EMP3: variants seen among roughly 807,000 people sequenced by gnomAD.
EMP3 encodes epithelial membrane protein 3.
Under a neutral mutation model 21.6 loss-of-function variants are expected in EMP3, and 15 were observed. The observed-to-expected ratio is 0.69, with a 90% CI of 0.46 to 1.07. The LOEUF (loss-of-function observed/expected upper bound fraction) is 1.07, where lower values mean the gene tolerates loss of function less well. Among genes scored for constraint, EMP3 ranks in the 50% least tolerant of loss-of-function variants. The pLI is 0.00. For synonymous variants in EMP3, 107 were observed against 86.1 expected (o/e 1.24, Z -1.34); for missense variants, 183 against 206.6 (o/e 0.89, Z 0.70).
chr19:48,327,339 T>A (rs1036493763), intron 2 of EMP3, among the ~76,000 whole-genome samples, 182 bp from the exon 3 acceptor site: 9 of 152,052 alleles, frequency 5.9e-5, no homozygotes, highest in Non-Finnish European at 1.3e-4. Context: ...CCCTTTTAGC[T>A]CTACCTCCGA....
At position 48,327,507 on chromosome 19, in the gene EMP3, T is replaced by C. The variant is rs535061522; in HGVS notation, c.79-14T>C. 7.4e-5 allele frequency: 118 copies of C among 1,603,294 alleles called. 1 individual carries two copies. The South Asian group carries it at 1.3e-3, about 18-fold the overall frequency. ...CCTAACCCTGCCCCTTGTTTCGTTC[T>C]CTGTCCATCCCAGTCCTGGTGGACT... On this transcript the variant is annotated splice_polypyrimidine_tract_variant and intron_variant, in intron 2 of 4. Transcript: ENST00000270221.
In EMP3 at chr19:48,327,547, G is replaced by A. The variant is rs1969142225; in HGVS notation, c.105G>A (p.Glu35=). Residue 35 remains glutamate (E), a synonymous_variant, in exon 3 of 5, where the codon GAG becomes GAA. Transcript: ENST00000270221. ...CCTGGTGGACTCTCCCTGGGAAAGA[G>A]TCCCTGAATCTCTGGTACGACTGCA... ...DKSWWTLPGK[E]SLNLWYDCTW... The A allele has an allele frequency of 5.0e-6, 8 of 1,613,734 alleles. No homozygotes were observed. The highest frequency in any genetic ancestry group is 6.8e-6 in the Non-Finnish European group (8 of 1,179,932).
chr19:48,330,234 C>T (rs913175133), intron 4 of EMP3, 67 bp from the exon 5 acceptor site: 104 of 1,480,002 alleles, frequency 7.0e-5, no homozygotes, highest in Non-Finnish European at 9.1e-5. Flanking sequence ...TTCTTTGCCC[C>T]CATGGGATAT....
Position 48,330,367 on chromosome 19 carries a change from C to G in EMP3, c.389C>G (p.Pro130Arg), listed in dbSNP as rs773259045. 7 of 1,607,436 alleles carry G rather than the reference C, an allele frequency of 4.4e-6. No homozygotes were observed. The African/African-American group carries it at 8.1e-5, about 19-fold the overall frequency. Residue 130 changes from proline (P) to arginine (R), a missense_variant, in exon 5 of 5, where the codon CCG (proline) becomes CGG (arginine). Physicochemically the swap from Pro to Arg is moderately radical, Grantham distance 103. Coordinates refer to ENST00000270221, the MANE Select transcript of EMP3 (RefSeq NM_001425.3). ...IHAEEILEKHPRGGSFGYCFA... is the reference protein window; with the variant it reads ...IHAEEILEKHRRGGSFGYCFA... ...GCCGAGGAGATCCTGGAGAAGCACC[C>G]GCGAGGGGGCAGCTTCGGATACTGC...
chr19:48,328,092 C>T (rs1451439885), intron 3 of EMP3, among the ~76,000 whole-genome samples: 1 of 152,086 alleles, frequency 6.6e-6, no homozygotes, highest in African/African-American at 2.4e-5. Flanking sequence ...AGGCGTGAGC[C>T]ACCACATCCA....
intron 1 of EMP3, chr19:48,325,981 T>G (rs1969116286): frequency 6.6e-6 from 1 of 152,302 alleles, no homozygotes; most frequent in African/African-American, 2.4e-5. Context: ...TGGGCCTCTC[T>G]TCCCCCCAGC....
chr19:48,329,572 C>A lies in EMP3; in HGVS notation c.322+80C>A. On this transcript the variant is annotated intron_variant, in intron 4 of 4. Coordinates refer to ENST00000270221, the MANE Select transcript of EMP3 (RefSeq NM_001425.3). The surrounding 1 kb of genome is among the most constrained non-coding windows in gnomAD (Gnocchi z 4.5). ...GGGGTGTGTCAAGATGCTGGGGGCC[C>A]TGAGAATGGGCCTCTCGTAGAAAAA... 1 of 1,556,146 alleles carries A rather than the reference C, an allele frequency of 6.4e-7. No homozygotes were observed. Among genetic ancestry groups the A allele is most frequent in the Non-Finnish European group, 8.7e-7 (1 of 1,145,660 alleles).
intron 3 of EMP3, among the ~76,000 whole-genome samples, chr19:48,328,424 A>AG (rs981038457): frequency 4.6e-5 from 7 of 151,410 alleles, no homozygotes; most frequent in Admixed American, 1.3e-4. Flanking sequence ...AAAAAAAAAA[A>AG]AAAAAAAAGA....
At position 48,329,391 on chromosome 19, in the gene EMP3, T is replaced by C. The variant is rs1569018293; in HGVS notation, c.221T>C (p.Leu74Pro). 2 of 1,614,090 alleles carry C rather than the reference T, an allele frequency of 1.2e-6. No individual in the cohort carries two copies. The highest frequency in any genetic ancestry group is 1.1e-5 in the South Asian group (1 of 91,074). Residue 74 changes from leucine to proline, a missense_variant, in exon 4 of 5, where the codon CTC becomes CCC. Coordinates refer to ENST00000270221, the MANE Select transcript of EMP3 (RefSeq NM_001425.3). This position sits in a 1 kb window ranked among gnomAD's most constrained non-coding sequence, Gnocchi z 4.5. The stretch of plus-strand genomic sequence containing the variant: ...GTGCAGGTCCTCATGGTGCTCTCCC[T>C]CATTCTCTGCTGTCTCTCCTTCATC... ...KAVQVLMVLS[L>P]ILCCLSFILF...
rs1969179052 is a variant in EMP3 at position 48,329,846 on chromosome 19, A to G, written c.322+354A>G. ...AATTAGTACCTCAGTAGAGAGCTCT[A>G]AATCATAATAATAATGGTATTTATA... On this transcript the variant is annotated intron_variant, in intron 4 of 4. Coordinates refer to ENST00000270221, the MANE Select transcript of EMP3 (RefSeq NM_001425.3). The surrounding 1 kb of genome is among the most constrained non-coding windows in gnomAD (Gnocchi z 4.5). Among the ~76,000 whole-genome samples the G allele has an allele frequency of 6.6e-6, 1 of 152,176 alleles. No individual in the cohort carries two copies. Among genetic ancestry groups the G allele is most frequent in the South Asian group, 2.1e-4 (1 of 4,832 alleles).
At position 48,327,530 on chromosome 19, in the gene EMP3, ACT is replaced by A. The variant is rs768347751; in HGVS notation, c.92_93del (p.Leu31ProfsTer25). On this transcript the variant is annotated frameshift_variant, in exon 3 of 5. Transcript: ENST00000270221. LOFTEE classifies it high-confidence loss of function. ...TCTCTGTCCATCCCAGTCCTGGTGG[ACT>A]CTCCCTGGGAAAGAGTCCCTGAATC... ...FVATLDKSWWTLPGKESLNLW... is the reference protein window; with the variant it reads ...FVATLDKSWWXLPGKESLNLW... The A allele has an allele frequency of 6.2e-7, 1 of 1,611,300 alleles. No homozygotes were observed. The highest frequency in any genetic ancestry group is 1.7e-5 in the Admixed American group (1 of 59,632).
chr19:48,328,633 A>G (rs1282355261), intron 3 of EMP3, among the ~76,000 whole-genome samples: 2 of 152,186 alleles, frequency 1.3e-5, no homozygotes, highest in African/African-American at 4.8e-5. Context: ...GCATCTATCT[A>G]AAGTTCTGTG....
intron 2 of EMP3, 118 bp from the exon 3 acceptor site, chr19:48,327,403 C>T: frequency 1.4e-6 from 1 of 706,998 alleles, no homozygotes; most frequent in Non-Finnish European, 2.5e-6. Flanking sequence ...CTAACTCTCC[C>T]CAGTTCTGCC....
intron 2 of EMP3, among the ~76,000 whole-genome samples, chr19:48,327,232 A>G (rs1420985066): frequency 6.6e-6 from 1 of 151,736 alleles, no homozygotes; most frequent in African/African-American, 2.4e-5. Context: ...GGGTTTCACC[A>G]TGTTGCCCAG....
chr19:48,327,788 A>C (rs1336307200), intron 3 of EMP3, 165 bp downstream of exon 3: 11 of 612,062 alleles, frequency 1.8e-5, no homozygotes, highest in Non-Finnish European at 2.9e-5. Context: ...GCCTGTCTGG[A>C]TGTACCTACC....
chr19:48,328,411 CAAAAAAAAAAAA>C (rs746709296), intron 3 of EMP3, among the ~76,000 whole-genome samples: 12 of 80,682 alleles, frequency 1.5e-4, no homozygotes, highest in Middle Eastern at 7.2e-3. Flanking sequence ...GATTCTGTCT[CAAAAAAAAAAAA>C]AAAAAAAAAG....
In EMP3 at chr19:48,330,270, C is replaced by G. The variant is rs766941388; in HGVS notation, c.323-31C>G. 3 of 1,550,072 alleles carry G rather than the reference C, an allele frequency of 1.9e-6. No individual in the cohort carries two copies. In the South Asian group the frequency reaches 3.5e-5, roughly 18 times the overall value. Reference sequence around the variant, plus strand: ...TGGGAAATGTAGTCTTGAGGGGGCACTGCATGACGTGTGGTTTTCATCTTC... The same window carrying G: ...TGGGAAATGTAGTCTTGAGGGGGCAGTGCATGACGTGTGGTTTTCATCTTC... On this transcript the variant is annotated intron_variant, in intron 4 of 4. Coordinates refer to ENST00000270221, the MANE Select transcript of EMP3 (RefSeq NM_001425.3).
At chr19:48,326,493 A>AT (rs34741493) in intron 1 of EMP3, among the ~76,000 whole-genome samples, 15,964 of 144,330 alleles carry the variant, frequency 0.11, 1,494 homozygotes, top group African/African-American at 0.25. Context: ...TTTATGCCAA[A>AT]TTTTTTTTTT....
chr19:48,327,711 C>T, intron 3 of EMP3, 88 bp downstream of exon 3: 1 of 1,327,042 alleles, frequency 7.5e-7, no homozygotes, highest in Non-Finnish European at 1.1e-6. Context: ...GAACCCTCCC[C>T]CAACAAAGTT....
Sources: gnomAD v4.1 joint callset for allele counts (sites outside exome capture counted in the v4.1 genomes callset) on GRCh38, gnomAD v4.1.1 for gene constraint, Gnocchi (gnomAD v3.1) non-coding constraint, MANE v1.5 for transcripts, NCBI Gene and HGNC (gene_info 2026-07-23, HGNC 2026-07-21) for gene names.